Variants in MX2 observed in about 807,000 individuals in gnomAD.
MX2 encodes the protein MX dynamin like GTPase 2, also known as interferon-induced GTP-binding protein Mx2.
Under a neutral mutation model 74.0 loss-of-function variants are expected in MX2, and 51 were observed. The ratio of observed to expected loss-of-function variants is 0.69; its 90% CI spans 0.55 to 0.87. The LOEUF (loss-of-function observed/expected upper bound fraction) is 0.87, where lower values mean the gene tolerates loss of function less well. Among genes scored for constraint, MX2 ranks in the 40% least tolerant of loss-of-function variants. MX2 has a pLI of 0.00. For missense variants in MX2, 832 were observed against 908.7 expected, an observed-to-expected ratio of 0.92 and a Z score of 1.09; for synonymous variants, 369 against 339.3, an observed-to-expected ratio of 1.09 and a Z score of -0.96.
chr21:41,384,429 T>G (rs1325345321), intron 5 of MX2, among the ~76,000 whole-genome samples: 2 of 152,212 alleles, frequency 1.3e-5, no homozygotes, highest in African/African-American at 4.8e-5. Context: ...ACGGCAAAAT[T>G]TTTCCGTTGT....
chr21:41,362,750 C>CTTTTTTTTT (rs56903696), intron 1 of MX2, among the ~76,000 whole-genome samples: 8 of 82,164 alleles, frequency 9.7e-5, no homozygotes, highest in Admixed American at 1.5e-4. Flanking sequence ...GTTTTTTTTT[C>CTTTTTTTTT]TTTTTTTTTT....
intron 5 of MX2, chr21:41,389,922 A>G (rs1368763597): frequency 1.3e-5 from 2 of 152,214 alleles, no homozygotes; most frequent in African/African-American, 2.4e-5. Context: ...TGTTGCCTAC[A>G]TCTCCATTTT....
In MX2 at chr21:41,388,542, T is replaced by C. The variant is rs573829268; in HGVS notation, c.733-2023T>C. On this transcript the variant is annotated intron_variant, in intron 5 of 13. Coordinates refer to ENST00000330714, the MANE Select transcript of MX2 (RefSeq NM_002463.2). The surrounding 1 kb of genome is among the most constrained non-coding windows in gnomAD (Gnocchi z 4.0). Reference sequence around the variant, plus strand: ...TTTCAATTCCACTTGCCCTCCCTGATATGTCTCCATTGTGTTTATTGCCTG... The same window carrying C: ...TTTCAATTCCACTTGCCCTCCCTGACATGTCTCCATTGTGTTTATTGCCTG... Among the ~76,000 whole-genome samples the C allele has an allele frequency of 1.2e-4, 18 of 152,322 alleles. No individual in the cohort carries two copies. The South Asian group carries it at 3.7e-3, about 32-fold the overall frequency.
chr21:41,408,291 C>A lies in MX2; in HGVS notation c.*58C>A. On this transcript the variant is annotated 3_prime_UTR_variant, in exon 14 of 14. Transcript: ENST00000330714. ...CGTACTCATTCATTCTAAGGGGAGT[C>A]GGTGCAGGATGCCGCTTCTGCTTTG... The A allele has an allele frequency of 6.3e-7, 1 of 1,591,500 alleles. No homozygotes were observed. Among genetic ancestry groups the A allele is most frequent in the Non-Finnish European group, 8.6e-7 (1 of 1,168,708 alleles).
At chr21:41,406,690 G>A in intron 12 of MX2, 54 bp from the exon 13 acceptor site, 2 of 1,562,322 alleles carry the variant, frequency 1.3e-6, no homozygotes, top group Non-Finnish European at 1.7e-6. Context: ...ATTTGTTTAA[G>A]CCAACAGGAA....
chr21:41,379,738 G>C (rs1208660648), intron 3 of MX2, among the ~76,000 whole-genome samples: 2 of 152,244 alleles, frequency 1.3e-5, no homozygotes, highest in Non-Finnish European at 2.9e-5. Context: ...GGCTATGGCT[G>C]TGGTGAGGAC....
chr21:41,407,044 A>C, intron 13 of MX2, 46 bp downstream of exon 13: 1 of 1,590,314 alleles, frequency 6.3e-7, no homozygotes, highest in African/African-American at 1.3e-5. Context: ...AAATTTGCAG[A>C]GCTGAGTAGG....
At chr21:41,370,934 A>G (rs944847215) in intron 1 of MX2, among the ~76,000 whole-genome samples, 4 of 152,236 alleles carry the variant, frequency 2.6e-5, no homozygotes, top group African/African-American at 9.6e-5. Flanking sequence ...GGAGTTGGAA[A>G]TGGGTGGCAG....
intron 1 of MX2, among the ~76,000 whole-genome samples, chr21:41,374,775 TC>T (rs1305319238): frequency 6.6e-6 from 1 of 152,166 alleles, no homozygotes; most frequent in South Asian, 2.1e-4. Flanking sequence ...GGCCCAACTG[TC>T]CCAAAGCCCC....
chr21:41,389,708 A>G (rs1347378275), intron 5 of MX2: 1 of 152,270 alleles, frequency 6.6e-6, no homozygotes, highest in East Asian at 1.9e-4. Flanking sequence ...GGCTAATGGG[A>G]CACAGAATGG....
chr21:41,377,981 G>A lies in MX2; in HGVS notation c.442G>A (p.Gly148Arg), dbSNP rs747433787. 13 of 1,612,314 alleles carry A rather than the reference G, an allele frequency of 8.1e-6. No homozygotes were observed. The highest frequency in any genetic ancestry group is 1.7e-4 in the Middle Eastern group (1 of 6,056). Residue 148 changes from glycine (G) to arginine (R), a missense_variant and splice_region_variant, in exon 3 of 14, where the codon GGA (glycine) becomes AGA (arginine). Coordinates refer to ENST00000330714, the MANE Select transcript of MX2 (RefSeq NM_002463.2). ...AGGAGTCGCGCTTCCCAGAGGCAGC[G>A]GTAAGTTCAACGGACCACCTTCCCT... ...LSGVALPRGS[G>R]IVTRCPLVLK...
At chr21:41,390,420 A>G in intron 5 of MX2, 145 bp from the exon 6 acceptor site, 1 of 1,205,178 alleles carries the variant, frequency 8.3e-7, no homozygotes, top group East Asian at 2.4e-5. Context: ...AGGCATTCCC[A>G]GGACGGGGCT....
chr21:41,400,199 G>A (rs754830830), intron 10 of MX2, among the ~76,000 whole-genome samples: 13 of 152,166 alleles, frequency 8.5e-5, no homozygotes, highest in Non-Finnish European at 1.6e-4. Context: ...CAGCATGGGT[G>A]CCAGGGGACC....
chr21:41,393,110 C>CAAAAAAAAAAAAAAAAAAAAAAAA (rs373955778), intron 6 of MX2, among the ~76,000 whole-genome samples: 37 of 59,934 alleles, frequency 6.2e-4, no homozygotes, highest in East Asian at 1.5e-3. Context: ...CTCAAAAAAG[C>CAAAAAAAAAAAAAAAAAAAAAAAA]AAAAAAAAAA....
rs1469748320 is a variant in MX2 at position 41,408,859 on chromosome 21, G to C, written c.*626G>C. On this transcript the variant is annotated 3_prime_UTR_variant, in exon 14 of 14. Coordinates refer to ENST00000330714, the MANE Select transcript of MX2 (RefSeq NM_002463.2). ...GCCTGAGTGATTCTCTTTTCTTCTT[G>C]TTTCCCTGATTATGATGAGCTTCCA... 1 of 152,282 alleles carries C rather than the reference G, an allele frequency of 6.6e-6. No individual in the cohort carries two copies. Among genetic ancestry groups the C allele is most frequent in the African/African-American group, 2.4e-5 (1 of 41,450 alleles). The allele number at this position is 152,282 out of a possible 1,614,324, so 9.4% of individuals were successfully genotyped here.
chr21:41,367,843 G>A (rs530023718), intron 1 of MX2, among the ~76,000 whole-genome samples: 1 of 152,210 alleles, frequency 6.6e-6, no homozygotes, highest in African/African-American at 2.4e-5. Flanking sequence ...CCTTGGATCC[G>A]TCACCCCCGA....
rs796292775 is a variant in MX2, at chr21:41,363,679, C to G, written c.-72+1624C>G. ...AGCAAAGGGACACAGCAGAGTGGCC[C>G]CTGGTGCCCAGGACCCGGCAGAGCT... is the stretch of plus-strand genomic sequence containing the variant. On this transcript the variant is annotated intron_variant, in intron 1 of 13. Transcript: ENST00000330714. This position sits in a 1 kb window ranked among gnomAD's most constrained non-coding sequence, Gnocchi z 4.2. 6.5e-6 allele frequency: 1 copy of G among 154,920 alleles called. No individual in the cohort carries two copies. 9.6% of individuals were successfully genotyped at this position (154,920 alleles called of 1,614,324 possible).
chr21:41,393,865 C>T (rs1159793749), intron 6 of MX2, among the ~76,000 whole-genome samples: 1 of 152,172 alleles, frequency 6.6e-6, no homozygotes, highest in East Asian at 1.9e-4. Flanking sequence ...CAAGGCTTCC[C>T]CACCTCATTC....
At chr21:41,391,272 G>A (rs573260846) in intron 6 of MX2, among the ~76,000 whole-genome samples, 1 of 151,406 alleles carries the variant, frequency 6.6e-6, no homozygotes, top group African/African-American at 2.4e-5. Flanking sequence ...CTAAAAAAAA[G>A]GATCTATTTG....
Sources: allele counts gnomAD v4.1 joint callset (sites outside exome capture counted in the v4.1 genomes callset), GRCh38; gene constraint gnomAD v4.1.1; non-coding constraint Gnocchi (gnomAD v3.1); transcripts MANE v1.5; gene names NCBI Gene and HGNC (gene_info 2026-07-23, HGNC 2026-07-21).